Variants in SLC25A28 observed in about 807,000 individuals in gnomAD.
The protein encoded by SLC25A28 is mitoferrin-2.
A neutral mutation model predicts 31.9 loss-of-function variants in SLC25A28; 10 were observed. The ratio of observed to expected loss-of-function variants is 0.31; its 90% CI spans 0.19 to 0.53. The LOEUF (loss-of-function observed/expected upper bound fraction) is 0.53. SLC25A28 is among the 20% of genes least tolerant of loss of function. The pLI is 0.95. For synonymous variants in SLC25A28, 208 were observed against 203.6 expected, an observed-to-expected ratio of 1.02 and a Z score of -0.19; for missense variants, 256 against 490.3, an observed-to-expected ratio of 0.52 and a Z score of 4.51.
upstream of SLC25A28, among the ~76,000 whole-genome samples, chr10:99,623,328 G>C (rs550821249): frequency 2.0e-5 from 3 of 152,150 alleles, no homozygotes; most frequent in African/African-American, 7.2e-5. Flanking sequence ...CTGACTCAGC[G>C]TGTCCATTCC....
At chr10:99,645,936 G>C in the SLC25A28 span, among the ~76,000 whole-genome samples, 3 of 152,294 alleles carry the variant, frequency 2.0e-5, no homozygotes, top group East Asian at 5.8e-4. Context: ...TCATCTCAGA[G>C]GGGCACCCAG....
chr10:99,610,601 G>A lies in SLC25A28; in HGVS notation c.*248C>T. The A allele has an allele frequency of 5.6e-6, 3 of 538,382 alleles. No individual in the cohort carries two copies. The highest frequency in any genetic ancestry group is 1.0e-5 in the Non-Finnish European group (3 of 298,808). The allele number at this position is 538,382 out of a possible 1,614,324, so 33.4% of individuals were successfully genotyped here. Reference sequence around the variant, plus strand: ...ATAACAGTCTAGAGCAGGTCATCAGGCCCAGGATGGAGAGAGGTTATCAAA... The same window carrying A: ...ATAACAGTCTAGAGCAGGTCATCAGACCCAGGATGGAGAGAGGTTATCAAA... On this transcript the variant is annotated 3_prime_UTR_variant, in exon 4 of 4. Coordinates refer to ENST00000370495, the MANE Select transcript of SLC25A28 (RefSeq NM_031212.4).
the SLC25A28 span, among the ~76,000 whole-genome samples, chr10:99,632,628 C>A: frequency 7.9e-5 from 12 of 152,164 alleles, no homozygotes; most frequent in Non-Finnish European, 1.2e-4. Context: ...GGCATCACAT[C>A]ACCTAACTCC....
At chr10:99,631,444 A>G in the SLC25A28 span, among the ~76,000 whole-genome samples, 4 of 152,016 alleles carry the variant, frequency 2.6e-5, no homozygotes, top group African/African-American at 9.6e-5. Context: ...ATTTTATATT[A>G]TATCTTATTT....
the SLC25A28 span, among the ~76,000 whole-genome samples, chr10:99,654,458 C>T: frequency 2.0e-5 from 3 of 152,048 alleles, no homozygotes; most frequent in South Asian, 6.2e-4. Context: ...TAAGATTACA[C>T]CTGGACAGCC....
chr10:99,611,023 G>A lies in SLC25A28; in HGVS notation c.921C>T (p.Gly307=). Reference sequence around the variant, plus strand: ...ATACCGTCCTGAAGGCACTAGCCATGCCTGTGATATGTCCTGTAATGTGTG... The same window carrying A: ...ATACCGTCCTGAAGGCACTAGCCATACCTGTGATATGTCCTGTAATGTGTG... ...LNSHITGHIT[G]MASAFRTVYQ... Residue 307 remains glycine, a synonymous_variant, in exon 4 of 4, where the codon GGC becomes GGT. Transcript: ENST00000370495. The surrounding 1 kb of genome is among the most constrained non-coding windows in gnomAD (Gnocchi z 5.5). 6.2e-7 allele frequency: 1 copy of A among 1,614,234 alleles called. No homozygotes were observed. The highest frequency in any genetic ancestry group is 8.5e-7 in the Non-Finnish European group (1 of 1,180,046).
chr10:99,643,554 T>C, the SLC25A28 span, among the ~76,000 whole-genome samples: 9 of 152,204 alleles, frequency 5.9e-5, no homozygotes, highest in Admixed American at 2.6e-4. Flanking sequence ...GTTTTTTGTG[T>C]CTCTATCTCC....
the SLC25A28 span, among the ~76,000 whole-genome samples, chr10:99,639,558 A>G: frequency 6.6e-6 from 1 of 152,038 alleles, no homozygotes; most frequent in Non-Finnish European, 1.5e-5. Flanking sequence ...CCTAAAAAAA[A>G]ATTCCCTGGA....
the SLC25A28 span, among the ~76,000 whole-genome samples, chr10:99,647,284 A>T: frequency 6.6e-6 from 1 of 152,200 alleles, no homozygotes. Flanking sequence ...CTACCAACAA[A>T]GTATAATTGT....
At chr10:99,612,701 G>T in intron 2 of SLC25A28, 102 bp from the exon 3 acceptor site, 1 of 1,312,010 alleles carries the variant, frequency 7.6e-7, no homozygotes, top group Non-Finnish European at 1.1e-6. Context: ...CTACAGCGGG[G>T]AAAAGTAACG....
Position 99,615,976 on chromosome 10 carries a change from C to G in SLC25A28, c.292-2052G>C, listed in dbSNP as rs558363291. On this transcript the variant is annotated intron_variant, in intron 1 of 3. Transcript: ENST00000370495. Reference sequence around the variant, plus strand: ...TACTTTGAACATTCTATATACACATCTAAATCTAACTCAACAATTCTAACT... The same window carrying G: ...TACTTTGAACATTCTATATACACATGTAAATCTAACTCAACAATTCTAACT... 3 of 985,382 alleles carry G rather than the reference C, an allele frequency of 3.0e-6. No homozygotes were observed. The African/African-American group carries it at 5.2e-5, about 17-fold the overall frequency. The allele number at this position is 985,382 out of a possible 1,614,324, so 61.0% of individuals were successfully genotyped here.
chr10:99,654,972 C>T, the SLC25A28 span, among the ~76,000 whole-genome samples: 2 of 152,108 alleles, frequency 1.3e-5, no homozygotes, highest in Non-Finnish European at 2.9e-5. Flanking sequence ...TTTAACTCGC[C>T]CTGCTGACTG....
At chr10:99,629,290 C>A in the SLC25A28 span, among the ~76,000 whole-genome samples, 5 of 152,204 alleles carry the variant, frequency 3.3e-5, no homozygotes, top group Admixed American at 2.6e-4. Context: ...GCAGAAGCAG[C>A]CTGAGGCCCT....
the SLC25A28 span, among the ~76,000 whole-genome samples, chr10:99,630,022 G>GA: frequency 1.3e-5 from 2 of 151,824 alleles, no homozygotes; most frequent in African/African-American, 4.8e-5. Context: ...AAAGAAGAGG[G>GA]AAAAAAAGGG....
At chr10:99,643,502 C>G in the SLC25A28 span, among the ~76,000 whole-genome samples, 1 of 152,064 alleles carries the variant, frequency 6.6e-6, no homozygotes, top group African/African-American at 2.4e-5. Context: ...TTTTGTTGAT[C>G]TTTTCAAAAA....
chr10:99,624,453 A>G (rs763627240), upstream of SLC25A28, among the ~76,000 whole-genome samples: 2 of 152,262 alleles, frequency 1.3e-5, no homozygotes, highest in Non-Finnish European at 2.9e-5. Flanking sequence ...ACCTTGGACC[A>G]CACTTTGAAT....
the SLC25A28 span, among the ~76,000 whole-genome samples, chr10:99,633,346 C>G: frequency 1.7e-3 from 254 of 152,314 alleles, 1 homozygote; most frequent in African/African-American, 5.5e-3. Flanking sequence ...GCACTTTTCT[C>G]TGTATTACTT....
chr10:99,614,167 C>G (rs1265315765), intron 1 of SLC25A28, among the ~76,000 whole-genome samples: 1 of 152,202 alleles, frequency 6.6e-6, no homozygotes, highest in Non-Finnish European at 1.5e-5. Flanking sequence ...CCACCTATTG[C>G]TAAGTGTCCT....
chr10:99,641,990 T>A, the SLC25A28 span, among the ~76,000 whole-genome samples: 1 of 152,112 alleles, frequency 6.6e-6, no homozygotes, highest in Admixed American at 6.5e-5. Context: ...TAGTTTGAAG[T>A]CAGGTAGCAT....
Sources: gnomAD v4.1 joint callset for allele counts (sites outside exome capture counted in the v4.1 genomes callset) on GRCh38, gnomAD v4.1.1 for gene constraint, Gnocchi (gnomAD v3.1) non-coding constraint, MANE v1.5 for transcripts, NCBI Gene and HGNC (gene_info 2026-07-23, HGNC 2026-07-21) for gene names.